LARP1: variants seen among roughly 807,000 people sequenced by gnomAD.
The protein encoded by LARP1 is La ribonucleoprotein 1, translational regulator, also known as la-related protein 1.
Under a neutral mutation model 122.7 loss-of-function variants are expected in LARP1, and 36 were observed. The ratio of observed to expected loss-of-function variants is 0.29; its 90% CI spans 0.22 to 0.39. The LOEUF (loss-of-function observed/expected upper bound fraction) is 0.39, where lower values mean the gene tolerates loss of function less well. Among genes scored for constraint, LARP1 ranks in the 10% least tolerant of loss-of-function variants. The pLI, the probability that LARP1 is intolerant of heterozygous loss-of-function variation, is 1.00. For missense variants in LARP1, 1,040 were observed against 1,403.6 expected, an observed-to-expected ratio of 0.74 and a Z score of 4.14; for synonymous variants, 539 against 528.7, an observed-to-expected ratio of 1.02 and a Z score of -0.27.
At chr5:154,768,862 T>C (rs1755171689) in intron 1 of LARP1, among the ~76,000 whole-genome samples, 2 of 152,178 alleles carry the variant, frequency 1.3e-5, no homozygotes, top group Admixed American at 1.3e-4. Context: ...ATTACAGGCA[T>C]GAACCACCTT....
At chr5:154,782,541 C>A (rs1024146134) in intron 1 of LARP1, among the ~76,000 whole-genome samples, 3 of 152,110 alleles carry the variant, frequency 2.0e-5, no homozygotes, top group Non-Finnish European at 4.4e-5. Flanking sequence ...CCAGGCTGGC[C>A]AGCATCATGT....
At chr5:154,722,149 T>C (rs1480867182) in intron 1 of LARP1, among the ~76,000 whole-genome samples, 1 of 152,172 alleles carries the variant, frequency 6.6e-6, no homozygotes, top group Admixed American at 6.5e-5. Context: ...GACCCCTCAC[T>C]GTGTGCAAGG....
chr5:154,795,958 AT>A lies in LARP1; in HGVS notation c.1377+644del, dbSNP rs34274191. ...TATTATATATTTATATATTATATAT[AT>A]TTTTATACATATTATATATTTATAT... On this transcript the variant is annotated intron_variant, in intron 8 of 18. Coordinates refer to ENST00000518297, the MANE Select transcript of LARP1 (RefSeq NM_033551.3). 7.5e-3 allele frequency among the ~76,000 whole-genome samples: 876 copies of A among 116,368 alleles called. 1 individual carries two copies. The highest frequency in any genetic ancestry group is 0.012 in the Non-Finnish European group (741 of 60,584). 76.3% of individuals were successfully genotyped at this position (116,368 alleles called of 152,430 possible).
At chr5:154,707,414 G>A (rs1755003591) in intron 1 of LARP1, among the ~76,000 whole-genome samples, 1 of 152,128 alleles carries the variant, frequency 6.6e-6, no homozygotes, top group Admixed American at 6.6e-5. Context: ...ATTGATTTGT[G>A]ACACTAGAAA....
intron 1 of LARP1, among the ~76,000 whole-genome samples, chr5:154,742,415 C>T (rs562725228): frequency 5.9e-5 from 9 of 152,090 alleles, no homozygotes; most frequent in Non-Finnish European, 1.3e-4. Context: ...TAAAATTAGT[C>T]AGGCATGGTG....
intron 14 of LARP1, chr5:154,805,037 C>T (rs571300942): frequency 5.1e-6 from 2 of 388,474 alleles, no homozygotes; most frequent in East Asian, 1.4e-4. Flanking sequence ...TCAATTAGCA[C>T]ATGTTTTGCA....
chr5:154,760,724 T>C (rs1462687289), intron 1 of LARP1, among the ~76,000 whole-genome samples: 2 of 152,234 alleles, frequency 1.3e-5, no homozygotes, highest in Non-Finnish European at 2.9e-5. Context: ...TAGGCAGTTA[T>C]TCAGTTTCTA....
At chr5:154,804,680 A>G in intron 14 of LARP1, 7 of 424,430 alleles carry the variant, frequency 1.6e-5, no homozygotes, top group South Asian at 1.2e-4. Context: ...GAAAAGTTTT[A>G]AAAATTAAAA....
rs528725763 is a variant in LARP1 at position 154,719,102 on chromosome 5, G to A, written c.205+5972G>A. On this transcript the variant is annotated intron_variant, in intron 1 of 18. Coordinates refer to the LARP1 transcript ENST00000336314. ...CAAGATTAGGACCTAGGAGTCCTGG[G>A]AAGCCTGGCTGGGATAGGGGCTAAG... Among the ~76,000 whole-genome samples the A allele has an allele frequency of 3.9e-5, 6 of 152,292 alleles. No homozygotes were observed. The South Asian group carries it at 1.2e-3, about 32-fold the overall frequency.
chr5:154,795,141 C>T (rs1411878360), intron 7 of LARP1, 34 bp from the exon 8 acceptor site: 1 of 1,606,132 alleles, frequency 6.2e-7, no homozygotes, highest in Non-Finnish European at 8.5e-7. Context: ...ATGCACCAAT[C>T]CCTCGGTGAT....
Position 154,803,254 on chromosome 5 carries a change from T to TTAC in LARP1, c.2110-35_2110-33dup. 1 of 1,614,064 alleles carries TTAC rather than the reference T, an allele frequency of 6.2e-7. No homozygotes were observed. The highest frequency in any genetic ancestry group is 1.1e-5 in the South Asian group (1 of 91,078). Reference sequence around the variant, plus strand: ...AAACAGGCTAGAGCAGCCTGCTTACTTACATCTTTCCCCACTCATCTCATG... The same window carrying TTAC: ...AAACAGGCTAGAGCAGCCTGCTTACTTACTACATCTTTCCCCACTCATCTCATG... On this transcript the variant is annotated intron_variant, in intron 11 of 18. Transcript: ENST00000518297. The surrounding 1 kb of genome is among the most constrained non-coding windows in gnomAD (Gnocchi z 4.4).
At chr5:154,697,202 C>T (rs1228245082) in intron 1 of LARP1, among the ~76,000 whole-genome samples, 6 of 141,562 alleles carry the variant, frequency 4.2e-5, no homozygotes, top group Non-Finnish European at 9.2e-5. Flanking sequence ...AGCTTTTTAT[C>T]TTTTTTTTTT....
At chr5:154,766,189 T>C (rs1166798801) in intron 1 of LARP1, among the ~76,000 whole-genome samples, 4 of 152,320 alleles carry the variant, frequency 2.6e-5, no homozygotes, top group Admixed American at 6.5e-5. Context: ...CAGTCCTGCC[T>C]TGTAATCTGT....
intron 1 of LARP1, among the ~76,000 whole-genome samples, chr5:154,720,990 G>A (rs575877816): frequency 6.6e-6 from 1 of 151,950 alleles, no homozygotes; most frequent in South Asian, 2.1e-4. Flanking sequence ...GCTTGAGAAG[G>A]TTCTTTTCTA....
chr5:154,816,806 C>T lies in LARP1; in HGVS notation c.*2710C>T, dbSNP rs1180827389. The T allele has an allele frequency of 6.6e-6, 1 of 152,226 alleles. No individual in the cohort carries two copies. The allele number at this position is 152,226 out of a possible 1,614,324, so 9.4% of individuals were successfully genotyped here. A position where few individuals can be genotyped will look rare whatever the true frequency, so the allele number is the denominator to read the frequency against. ...AGGTTGGTCCATGCCAACATAACCT[C>T]TGGGCATCAGACATCAGCAGGTCTG... On this transcript the variant is annotated 3_prime_UTR_variant, in exon 19 of 19. Coordinates refer to ENST00000518297, the MANE Select transcript of LARP1 (RefSeq NM_033551.3).
At chr5:154,761,742 A>G (rs1754465731) in intron 1 of LARP1, among the ~76,000 whole-genome samples, 1 of 152,150 alleles carries the variant, frequency 6.6e-6, no homozygotes, top group Non-Finnish European at 1.5e-5. Flanking sequence ...TGGTGAAAAC[A>G]TGGGAAACAG....
chr5:154,773,597 G>T (rs948034948), intron 1 of LARP1, among the ~76,000 whole-genome samples: 1 of 152,190 alleles, frequency 6.6e-6, no homozygotes, highest in Admixed American at 6.5e-5. Context: ...GAGCTGCCAC[G>T]CAGGGATAGG....
At chr5:154,746,950 C>T (rs1020307341) in intron 1 of LARP1, among the ~76,000 whole-genome samples, 7 of 152,142 alleles carry the variant, frequency 4.6e-5, no homozygotes, top group Non-Finnish European at 1.0e-4. Context: ...GCCTGACCAA[C>T]ATGGTGAAAC....
chr5:154,721,115 G>A (rs980272446), intron 1 of LARP1, among the ~76,000 whole-genome samples: 2 of 152,034 alleles, frequency 1.3e-5, no homozygotes, highest in African/African-American at 4.8e-5. Flanking sequence ...AGCTGAGGTG[G>A]GAGGATCACT....
Sources: allele counts gnomAD v4.1 joint callset (sites outside exome capture counted in the v4.1 genomes callset), GRCh38; gene constraint gnomAD v4.1.1; non-coding constraint Gnocchi (gnomAD v3.1); transcripts MANE v1.5; gene names NCBI Gene and HGNC (gene_info 2026-07-23, HGNC 2026-07-21).